Variants in PTPRZ1 observed in about 807,000 individuals in gnomAD.
PTPRZ1 encodes receptor-type tyrosine-protein phosphatase zeta.
Under a neutral mutation model 214.1 loss-of-function variants are expected in PTPRZ1, and 82 were observed. The observed-to-expected ratio is 0.38, with a 90% CI of 0.32 to 0.46. The LOEUF is 0.46. Ranked by LOEUF, PTPRZ1 falls within the 20% of genes least tolerant of loss-of-function variation. The pLI, the probability that PTPRZ1 is intolerant of heterozygous loss-of-function variation, is 1.00. For synonymous variants in PTPRZ1, 945 were observed against 987.9 expected (o/e 0.96, Z 0.81); for missense variants, 2,603 against 2,748.7 (o/e 0.95, Z 1.19).
chr7:121,904,969 T>TA (rs1219545192), intron 1 of PTPRZ1, among the ~76,000 whole-genome samples: 2 of 152,226 alleles, frequency 1.3e-5, no homozygotes, highest in African/African-American at 4.8e-5. Context: ...AGATTTAAAG[T>TA]AATTACGTTT....
chr7:122,001,120 C>T (rs1337491484), intron 10 of PTPRZ1, among the ~76,000 whole-genome samples: 5 of 152,068 alleles, frequency 3.3e-5, no homozygotes, highest in Non-Finnish European at 5.9e-5. Flanking sequence ...CTTTTAATTA[C>T]ACTTGTGTAC....
Position 122,044,424 on chromosome 7 carries a change from G to T in PTPRZ1, c.5940G>T (p.Glu1980Asp). Residue 1980 changes from glutamate (E) to aspartate (D), a missense_variant and splice_region_variant, in exon 23 of 30, where the codon GAG becomes GAT. By Grantham distance (45) the Glu-to-Asp change is conservative (BLOSUM62 2). This residue lies in a region of PTPRZ1 where 1,913 missense variants were observed against 1,914.3 expected (regional missense o/e 1.00). Transcript: ENST00000393386. ...SQRNYLVQTE[E>D]QYVFIHDTLV... The stretch of plus-strand genomic sequence containing the variant: ...GCTTATTGTCATTGTTTTGCCAGGA[G>T]CAATATGTCTTCATTCATGATACAC... The T allele has an allele frequency of 6.2e-7, 1 of 1,613,640 alleles. No individual in the cohort carries two copies. Among genetic ancestry groups the T allele is most frequent in the Non-Finnish European group, 8.5e-7 (1 of 1,179,684 alleles).
At chr7:121,888,073 T>G (rs530392409) in intron 1 of PTPRZ1, among the ~76,000 whole-genome samples, 1 of 152,138 alleles carries the variant, frequency 6.6e-6, no homozygotes, top group Non-Finnish European at 1.5e-5. Flanking sequence ...GCTTTAAAAT[T>G]TTTGAGCAGC....
intron 28 of PTPRZ1, 182 bp from the exon 29 acceptor site, chr7:122,059,571 A>C (rs1446859052): frequency 1.5e-6 from 1 of 658,842 alleles, no homozygotes; most frequent in Non-Finnish European, 2.5e-6. Flanking sequence ...TGATATCATG[A>C]ACACTTGGCA....
intron 2 of PTPRZ1, among the ~76,000 whole-genome samples, chr7:121,931,768 A>G (rs1795933685): frequency 1.3e-5 from 2 of 152,192 alleles, no homozygotes; most frequent in Non-Finnish European, 2.9e-5. Context: ...TAGAGTGGCT[A>G]GGCTTTGACA....
intron 8 of PTPRZ1, among the ~76,000 whole-genome samples, chr7:121,993,349 AGACCATCCTGGCTAACACGGT>A (rs1462542427): frequency 8.6e-5 from 13 of 151,834 alleles, no homozygotes; most frequent in Non-Finnish European, 1.6e-4. Flanking sequence ...CAGGAGATCG[AGACCATCCTGGCTAACACGGT>A]GACCATCCCG....
chr7:121,907,701 T>C (rs2116293113), intron 1 of PTPRZ1, among the ~76,000 whole-genome samples: 1 of 152,072 alleles, frequency 6.6e-6, no homozygotes, highest in Non-Finnish European at 1.5e-5. Context: ...ATATTTAGGA[T>C]CTAATTTATT....
chr7:121,898,263 T>G (rs868851709), intron 1 of PTPRZ1, among the ~76,000 whole-genome samples: 2 of 26,746 alleles, frequency 7.5e-5, no homozygotes, highest in East Asian at 1.8e-3. Flanking sequence ...ATGTGATGGG[T>G]TTTTTTTTTC....
chr7:122,044,921 A>T (rs907208619), intron 23 of PTPRZ1, among the ~76,000 whole-genome samples: 4 of 152,126 alleles, frequency 2.6e-5, no homozygotes, highest in Admixed American at 2.6e-4. Context: ...GACCACTTAA[A>T]CATGAGTGCG....
chr7:121,900,150 G>T lies in PTPRZ1; in HGVS notation c.58+26593G>T, dbSNP rs114043195. ...CAGAGTGCAGAGGTCAAGTTTGGGA[G>T]CTGGAAGAAGGAAGAAACATGACCA... On this transcript the variant is annotated intron_variant, in intron 1 of 29. Coordinates refer to ENST00000393386, the MANE Select transcript of PTPRZ1 (RefSeq NM_002851.3). Among the ~76,000 whole-genome samples, 1,458 of 152,246 alleles carry T rather than the reference G, an allele frequency of 9.6e-3. 22 individuals carry two copies. Among genetic ancestry groups the T allele is most frequent in the African/African-American group, 0.031 (1,307 of 41,548 alleles).
intron 8 of PTPRZ1, among the ~76,000 whole-genome samples, chr7:121,994,678 C>G (rs1303456815): frequency 6.6e-6 from 1 of 152,204 alleles, no homozygotes; most frequent in Admixed American, 6.5e-5. Flanking sequence ...GAAGCAAGAA[C>G]GAGCTTGTTG....
At chr7:121,931,443 C>T (rs1795921977) in intron 2 of PTPRZ1, among the ~76,000 whole-genome samples, 1 of 151,978 alleles carries the variant, frequency 6.6e-6, no homozygotes, top group Admixed American at 6.6e-5. Flanking sequence ...TTTAATGCAC[C>T]CTCCACTCTC....
In PTPRZ1 at chr7:122,012,647, G is replaced by T. The variant is rs776334816; in HGVS notation, c.3601G>T (p.Ala1201Ser). The change falls in exon 12 of 30, where the codon GCT (alanine) becomes TCT (serine). Residue 1201 changes from alanine (A) to serine (S), a missense_variant. Physicochemically the swap from Ala to Ser is moderately conservative, Grantham distance 99. Around this residue, in one of 6 missense-constraint regions of PTPRZ1, gnomAD observed 1,913 missense variants for 1,914.3 expected, o/e 1.00. Transcript: ENST00000393386. ...CACCTTGCTTAAAACTGTTCTTCCAGCTGTGCCCAGTGATCCAATATTGGT... is the reference window on the plus strand; with the variant it reads ...CACCTTGCTTAAAACTGTTCTTCCATCTGTGCCCAGTGATCCAATATTGGT... The part of the protein sequence containing the change: ...VDTLLKTVLP[A>S]VPSDPILVET... 1 of 1,613,750 alleles carries T rather than the reference G, an allele frequency of 6.2e-7. No homozygotes were observed.
chr7:122,047,938 G>A (rs1792051960), intron 23 of PTPRZ1, among the ~76,000 whole-genome samples: 1 of 152,050 alleles, frequency 6.6e-6, no homozygotes. Flanking sequence ...ATAGCCATGA[G>A]CCACTGCACC....
intron 1 of PTPRZ1, among the ~76,000 whole-genome samples, chr7:121,903,834 T>C (rs1795038649): frequency 6.6e-6 from 1 of 152,140 alleles, no homozygotes; most frequent in African/African-American, 2.4e-5. Context: ...AAGAAAGATA[T>C]GGCACATAGT....
At chr7:121,995,210 C>G (rs1798096251) in intron 8 of PTPRZ1, among the ~76,000 whole-genome samples, 1 of 152,132 alleles carries the variant, frequency 6.6e-6, no homozygotes, top group African/African-American at 2.4e-5. Context: ...TGGTCACAAT[C>G]GGCGGCAGTT....
intron 15 of PTPRZ1, 73 bp from the exon 16 acceptor site, chr7:122,034,022 G>A (rs937327630): frequency 1.0e-5 from 14 of 1,367,940 alleles, no homozygotes; most frequent in African/African-American, 8.8e-5. Flanking sequence ...TAATATGAAC[G>A]CTTTTTTTTC....
chr7:121,910,148 C>T (rs1306587927), intron 1 of PTPRZ1, among the ~76,000 whole-genome samples: 2 of 152,096 alleles, frequency 1.3e-5, no homozygotes, highest in Non-Finnish European at 2.9e-5. Flanking sequence ...GGGGCTTGGT[C>T]TTGTCTTAGG....
intron 2 of PTPRZ1, among the ~76,000 whole-genome samples, chr7:121,942,143 A>G (rs1796255124): frequency 6.6e-6 from 1 of 152,242 alleles, no homozygotes; most frequent in South Asian, 2.1e-4. Flanking sequence ...TTAAAAAGTC[A>G]GAACAATTGT....
Sources: gnomAD v4.1 joint callset for allele counts (sites outside exome capture counted in the v4.1 genomes callset) on GRCh38, gnomAD v4.1.1 for gene constraint, gnomAD v4.1.1 regional missense constraint, MANE v1.5 for transcripts, NCBI Gene and HGNC (gene_info 2026-07-23, HGNC 2026-07-21) for gene names.